SYTL2: variants seen among roughly 807,000 people sequenced by gnomAD.
SYTL2 encodes synaptotagmin-like protein 2.
In SYTL2, 165 loss-of-function variants were observed where a neutral mutation model predicts 198.7. The ratio of observed to expected loss-of-function variants is 0.83; its 90% CI spans 0.73 to 0.94. The LOEUF is 0.94. Among genes scored for constraint, SYTL2 ranks in the 40% least tolerant of loss-of-function variants. The pLI is 0.00. For synonymous variants in SYTL2, 966 were observed against 917.7 expected, an observed-to-expected ratio of 1.05 and a Z score of -0.95; for missense variants, 2,835 against 2,582.8, an observed-to-expected ratio of 1.10 and a Z score of -2.12.
chr11:85,752,944 A>C (rs985910354), intron 2 of SYTL2, among the ~76,000 whole-genome samples: 6 of 145,264 alleles, frequency 4.1e-5, no homozygotes, highest in East Asian at 2.0e-4. Context: ...AAAAAAAAAA[A>C]AAAAAAACAC....
rs757282695 is a variant in SYTL2 at position 85,696,303 on chromosome 11, T to A, written c.6454A>T (p.Met2152Leu). 1.9e-6 allele frequency: 3 copies of A among 1,613,810 alleles called. No individual in the cohort carries two copies. The highest frequency in any genetic ancestry group is 1.7e-6 in the Non-Finnish European group (2 of 1,179,772). The change falls in exon 19 of 20, where the codon ATG (methionine) becomes TTG (leucine). Residue 2152 changes from methionine to leucine, a missense_variant. This residue lies in a region of SYTL2 where 185 missense variants were observed against 182.1 expected (regional missense o/e 1.02). Transcript: ENST00000359152. The part of the protein sequence containing the change: ...KTTNPIFNHT[M>L]VYDGFRPEDL... Reference sequence around the variant, plus strand: ...TCAGGCCTGAACCCATCATACACCATAGTGTGGTTGAAGATAGGGTTGGTG... The same window carrying A: ...TCAGGCCTGAACCCATCATACACCAAAGTGTGGTTGAAGATAGGGTTGGTG...
At chr11:85,721,949 G>C (rs2088372735) in intron 8 of SYTL2, among the ~76,000 whole-genome samples, 1 of 151,972 alleles carries the variant, frequency 6.6e-6, no homozygotes, top group African/African-American at 2.4e-5. Flanking sequence ...GCTTAGTTAA[G>C]AGCTCAGCCG....
chr11:85,746,969 A>T (rs1008441555), intron 3 of SYTL2, among the ~76,000 whole-genome samples: 1 of 152,250 alleles, frequency 6.6e-6, no homozygotes. Context: ...TCACAGGATT[A>T]CTGCAACAAT....
chr11:85,725,719 T>C lies in SYTL2; in HGVS notation c.3639A>G (p.Leu1213=), dbSNP rs756586796. 3 of 1,614,096 alleles carry C rather than the reference T, an allele frequency of 1.9e-6. No individual in the cohort carries two copies. Among genetic ancestry groups the C allele is most frequent in the Non-Finnish European group, 2.5e-6 (3 of 1,179,966 alleles). Reference sequence around the variant, plus strand: ...CAGTTGCTTCCTTCAGGAGTTTGTCTAGACTAGCAGTCAAAGAGTTCCGTT... The same window carrying C: ...CAGTTGCTTCCTTCAGGAGTTTGTCCAGACTAGCAGTCAAAGAGTTCCGTT... The part of the protein sequence containing the change: ...KVKRNSLTAS[L]DKLLKEATGT... The change falls in exon 8 of 20, where the codon CTA becomes CTG. Residue 1213 remains leucine (L), a synonymous_variant. Coordinates refer to ENST00000359152, the MANE Select transcript of SYTL2 (RefSeq NM_206927.4).
chr11:85,726,342 T>C lies in SYTL2; in HGVS notation c.3016A>G (p.Thr1006Ala), dbSNP rs773573504. The change falls in exon 8 of 20, where the codon ACC becomes GCC. Residue 1006 changes from threonine (T) to alanine (A), a missense_variant. Physicochemically the swap from Thr to Ala is moderately conservative, Grantham distance 58 (BLOSUM62 0). This residue lies in a region of SYTL2 where 2,645 missense variants were observed against 2,381.7 expected (regional missense o/e 1.11). Transcript: ENST00000359152. ...GGTGCAGAATTTTTTTGGCTTGTGG[T>C]GGTAATATTCTTGTCATTATCCTTA... is the stretch of plus-strand genomic sequence containing the variant. ...NSKDNDKNIT[T>A]TSQKNSAPFN... 2 of 1,613,964 alleles carry C rather than the reference T, an allele frequency of 1.2e-6. No individual in the cohort carries two copies. Among genetic ancestry groups the C allele is most frequent in the Non-Finnish European group, 8.5e-7 (1 of 1,180,006 alleles).
intron 1 of SYTL2, among the ~76,000 whole-genome samples, chr11:85,778,521 G>A (rs1282140423): frequency 6.6e-6 from 1 of 152,272 alleles, no homozygotes; most frequent in African/African-American, 2.4e-5. Flanking sequence ...ACCAGTTCTA[G>A]CATCTTTTCA....
chr11:85,707,404 T>G, intron 15 of SYTL2, 25 bp downstream of exon 15: 3 of 1,524,596 alleles, frequency 2.0e-6, no homozygotes, highest in Non-Finnish European at 2.7e-6. Flanking sequence ...TCTAGGATTT[T>G]CCTATAGAGA....
At chr11:85,719,079 C>CT in intron 9 of SYTL2, 1 of 1,503,696 alleles carries the variant, frequency 6.7e-7, no homozygotes, top group South Asian at 1.2e-5. Flanking sequence ...TGCACACAGA[C>CT]TCCCAAGGGT....
At chr11:85,813,315 TGTTA>T (rs150901999), upstream of SYTL2, among the ~76,000 whole-genome samples, 14,372 of 152,140 alleles carry the variant, frequency 0.094, 1,087 homozygotes, top group African/African-American at 0.21. Flanking sequence ...TTTGCTCATT[TGTTA>T]GAGAGAAAAT....
intron 4 of SYTL2, 73 bp from the exon 5 acceptor site, chr11:85,737,729 G>A: frequency 7.8e-7 from 1 of 1,277,082 alleles, no homozygotes; most frequent in South Asian, 1.2e-5. Flanking sequence ...CTCTGAAGTG[G>A]AAAGCTATCA....
intron 2 of SYTL2, among the ~76,000 whole-genome samples, chr11:85,749,270 C>A (rs533314779): frequency 6.6e-6 from 1 of 152,328 alleles, no homozygotes; most frequent in East Asian, 1.9e-4. Flanking sequence ...CAAAATCTCT[C>A]TTGTTTATAG....
chr11:85,817,791 T>C, the SYTL2 span, among the ~76,000 whole-genome samples: 7 of 152,204 alleles, frequency 4.6e-5, no homozygotes, highest in Admixed American at 1.3e-4. Context: ...CTGTGTTAGT[T>C]ACTCTGCTTT....
chr11:85,854,036 C>T, the SYTL2 span: 1 of 151,870 alleles, frequency 6.6e-6, no homozygotes, highest in Non-Finnish European at 1.5e-5. Context: ...GGGGTTTCGC[C>T]ATGTTGCCTA....
At chr11:85,840,541 T>C in the SYTL2 span, among the ~76,000 whole-genome samples, 1 of 152,004 alleles carries the variant, frequency 6.6e-6, no homozygotes, top group Non-Finnish European at 1.5e-5. Flanking sequence ...AACAGACCAA[T>C]GGAACAGAAT....
chr11:85,735,133 G>A (rs1463269405), intron 6 of SYTL2, among the ~76,000 whole-genome samples: 1 of 152,222 alleles, frequency 6.6e-6, no homozygotes, highest in Non-Finnish European at 1.5e-5. Context: ...GGGAGGCTAT[G>A]CCTGTGTGGG....
At position 85,789,175 on chromosome 11, in the gene SYTL2, C is replaced by T. The variant is rs947538702; in HGVS notation, c.-390+21779G>A. On this transcript the variant is annotated intron_variant, in intron 1 of 19. Coordinates refer to ENST00000359152, the MANE Select transcript of SYTL2 (RefSeq NM_206927.4). ...GCCCAGGCACAATCCTAGCTCACTG[C>T]AGCCTCGACCTCCTGGGCTCAAGCA... 6.1e-4 allele frequency among the ~76,000 whole-genome samples: 92 copies of T among 150,200 alleles called. 2 individuals are homozygous for T. The highest frequency in any genetic ancestry group is 2.2e-3 in the African/African-American group (90 of 40,912).
the SYTL2 span, among the ~76,000 whole-genome samples, chr11:85,817,104 C>T: frequency 6.6e-6 from 1 of 152,144 alleles, no homozygotes; most frequent in African/African-American, 2.4e-5. Context: ...CTCTTACTAA[C>T]TTTTTAAAAT....
chr11:85,769,879 C>A (rs1356601499), intron 1 of SYTL2, among the ~76,000 whole-genome samples: 2 of 152,162 alleles, frequency 1.3e-5, no homozygotes, highest in Non-Finnish European at 2.9e-5. Context: ...GCAGGAGAAC[C>A]ACAACCACTT....
Position 85,724,478 on chromosome 11 carries a change from C to T in SYTL2, c.4880G>A (p.Gly1627Asp). The change falls in exon 8 of 20, where the codon GGT becomes GAT. Residue 1627 changes from glycine (G) to aspartate (D), a missense_variant. Gly to Asp is a moderately conservative substitution (Grantham distance 94). Transcript: ENST00000359152. ...QTSEMKDKSNGLESQVNQCDK... is the reference protein window; with the variant it reads ...QTSEMKDKSNDLESQVNQCDK... ...ACATTGGTTGACTTGAGATTCCAAA[C>T]CATTACTTTTATCCTTCATTTCAGA... 1 of 1,613,790 alleles carries T rather than the reference C, an allele frequency of 6.2e-7. No individual in the cohort carries two copies. The highest frequency in any genetic ancestry group is 8.5e-7 in the Non-Finnish European group (1 of 1,179,950).
Sources: gnomAD v4.1 joint callset for allele counts (sites outside exome capture counted in the v4.1 genomes callset) on GRCh38, gnomAD v4.1.1 for gene constraint, gnomAD v4.1.1 regional missense constraint, MANE v1.5 for transcripts, NCBI Gene and HGNC (gene_info 2026-07-23, HGNC 2026-07-21) for gene names.